Variants in FMN1 observed in about 807,000 individuals in gnomAD.
FMN1 encodes the protein formin 1.
In FMN1, 110 loss-of-function variants were observed where a neutral mutation model predicts 132.4. The observed-to-expected ratio is 0.83, with a 90% CI of 0.71 to 0.97. The LOEUF (loss-of-function observed/expected upper bound fraction) is 0.97, where lower values mean the gene tolerates loss of function less well. FMN1 is among the 50% of genes least tolerant of loss of function. The probability of loss-of-function intolerance (pLI) is 0.00; values close to 1 mark genes in which losing one functional copy is unlikely to be tolerated. For synonymous variants in FMN1, 722 were observed against 651.7 expected (o/e 1.11, Z -1.64); for missense variants, 1,792 against 1,705.3 (o/e 1.05, Z -0.90).
intron 2 of FMN1, among the ~76,000 whole-genome samples, chr15:33,190,987 G>A (rs537873007): frequency 5.9e-4 from 90 of 152,218 alleles, no homozygotes; most frequent in Non-Finnish European, 5.3e-4. Context: ...TGGCTAACAC[G>A]GTGAAACCCC....
chr15:32,888,323 T>G, intron 15 of FMN1, 31 bp from the exon 16 acceptor site: 1 of 1,548,260 alleles, frequency 6.5e-7, no homozygotes, highest in Non-Finnish European at 8.7e-7. Context: ...AAGTACATTA[T>G]ACTTCCCAAT....
rs3081377 is a variant in FMN1 at position 32,951,424 on chromosome 15, GACACACACACACACAC to G, written c.3138+12667_3138+12682del. Among the ~76,000 whole-genome samples, 311 of 149,070 alleles carry G rather than the reference GACACACACACACACAC, an allele frequency of 2.1e-3. 2 individuals are homozygous for G. The highest frequency in any genetic ancestry group is 7.3e-3 in the African/African-American group (298 of 40,944). ...TAACTGCATAGCTGCGCCCCAGTGGGACACACACACACACACACACACACACACACACATCCACGCA... is the reference window on the plus strand; with the variant it reads ...TAACTGCATAGCTGCGCCCCAGTGGGACACACACACACACACATCCACGCA... On this transcript the variant is annotated intron_variant, in intron 9 of 20. Transcript: ENST00000616417.
chr15:32,946,250 T>A (rs1410116642), intron 9 of FMN1, among the ~76,000 whole-genome samples: 1 of 152,166 alleles, frequency 6.6e-6, no homozygotes, highest in Non-Finnish European at 1.5e-5. Context: ...GTGCGTATCA[T>A]ACACTATCAT....
chr15:32,891,580 G>C (rs1439380069), intron 15 of FMN1, among the ~76,000 whole-genome samples: 1 of 151,322 alleles, frequency 6.6e-6, no homozygotes, highest in Non-Finnish European at 1.5e-5. Flanking sequence ...GTGGTATTTT[G>C]ATGGAGACTG....
rs1317723731 is a variant in FMN1 at position 32,766,265 on chromosome 15, C to T, written c.*8045G>A. 1 of 152,158 alleles carries T rather than the reference C, an allele frequency of 6.6e-6. No individual in the cohort carries two copies. 9.4% of individuals were successfully genotyped at this position (152,158 alleles called of 1,614,324 possible). On this transcript the variant is annotated 3_prime_UTR_variant, in exon 21 of 21. Coordinates refer to ENST00000616417, the MANE Select transcript of FMN1 (RefSeq NM_001277313.2). ...TCTGAAAATAACCAAGAAGTGTCAA[C>T]ATCCTGATTCAGAACAGGGGTAGAT...
intron 17 of FMN1, among the ~76,000 whole-genome samples, chr15:32,821,735 C>T (rs1193867279): frequency 1.3e-5 from 2 of 152,042 alleles, no homozygotes; most frequent in African/African-American, 4.8e-5. Context: ...CAGGCATGAG[C>T]CACCACATCC....
intron 17 of FMN1, among the ~76,000 whole-genome samples, chr15:32,854,912 C>T (rs552035430): frequency 7.0e-6 from 1 of 143,018 alleles, no homozygotes; most frequent in Non-Finnish European, 1.5e-5. Flanking sequence ...AAAACTCCAC[C>T]TCAAAAAAAA....
chr15:33,088,772 A>G (rs1024473634), intron 5 of FMN1, 27 bp downstream of exon 5: 2 of 1,526,060 alleles, frequency 1.3e-6, no homozygotes, highest in East Asian at 2.5e-5. Flanking sequence ...AAAGAACCAC[A>G]GCACAATCAC....
At chr15:33,023,041 T>TG (rs1238716074) in intron 6 of FMN1, among the ~76,000 whole-genome samples, 2 of 119,866 alleles carry the variant, frequency 1.7e-5, no homozygotes, top group African/African-American at 6.6e-5. Context: ...AGCAAGACCC[T>TG]GATCCCCCTC....
chr15:32,887,311 C>G (rs1227598640), intron 16 of FMN1, among the ~76,000 whole-genome samples: 1 of 152,160 alleles, frequency 6.6e-6, no homozygotes, highest in Non-Finnish European at 1.5e-5. Flanking sequence ...TCCACATTAA[C>G]ACGCTCTCTA....
intron 17 of FMN1, among the ~76,000 whole-genome samples, chr15:32,849,640 C>T (rs28622202): frequency 6.6e-6 from 1 of 151,642 alleles, no homozygotes; most frequent in Non-Finnish European, 1.5e-5. Context: ...ACCTAATAGA[C>T]CTGTGATAAA....
At chr15:32,893,366 T>C (rs1011469788) in intron 15 of FMN1, among the ~76,000 whole-genome samples, 8 of 142,502 alleles carry the variant, frequency 5.6e-5, no homozygotes, top group African/African-American at 1.5e-4. Flanking sequence ...CTGGTTTTGA[T>C]TGCGTGTGTG....
intron 7 of FMN1, among the ~76,000 whole-genome samples, chr15:32,970,468 C>A (rs2031687077): frequency 6.6e-6 from 1 of 152,244 alleles, no homozygotes; most frequent in Middle Eastern, 3.4e-3. Context: ...CAGCAGGTAG[C>A]CCAGGAAGTA....
intron 7 of FMN1, among the ~76,000 whole-genome samples, chr15:32,987,105 C>T (rs2033116778): frequency 6.6e-6 from 1 of 152,070 alleles, no homozygotes; most frequent in African/African-American, 2.4e-5. Flanking sequence ...ATTAGCTGCC[C>T]ATATTAATAA....
chr15:33,009,567 T>A (rs1367492568), intron 6 of FMN1, among the ~76,000 whole-genome samples: 1 of 152,220 alleles, frequency 6.6e-6, no homozygotes, highest in Non-Finnish European at 1.5e-5. Flanking sequence ...AAATCTTTGC[T>A]AATATTGAAA....
intron 5 of FMN1, among the ~76,000 whole-genome samples, chr15:33,069,584 G>A (rs1036698279): frequency 1.3e-5 from 2 of 152,190 alleles, no homozygotes; most frequent in Admixed American, 6.5e-5. Context: ...CTTGAGCCAT[G>A]TTCTTCAGTA....
At chr15:33,084,945 C>A (rs991865990) in intron 5 of FMN1, among the ~76,000 whole-genome samples, 1 of 152,168 alleles carries the variant, frequency 6.6e-6, no homozygotes, top group Non-Finnish European at 1.5e-5. Context: ...AAGTTAACAT[C>A]CTGATTGTGA....
Position 33,124,941 on chromosome 15 carries a change from C to G in FMN1, c.1867+28107G>C, listed in dbSNP as rs552571602. Among the ~76,000 whole-genome samples, 602 of 152,072 alleles carry G rather than the reference C, an allele frequency of 4.0e-3. 7 individuals are homozygous for G. Among genetic ancestry groups the G allele is most frequent in the African/African-American group, 0.014 (574 of 41,470 alleles). On this transcript the variant is annotated intron_variant, in intron 4 of 20. Coordinates refer to ENST00000616417, the MANE Select transcript of FMN1 (RefSeq NM_001277313.2). ...AGATACTATGTGCCACTCCCCTCCA[C>G]TGAGGTTTTGATTTCTTTGAAATCA...
intron 19 of FMN1, among the ~76,000 whole-genome samples, chr15:32,783,108 G>A (rs912415846): frequency 7.2e-5 from 11 of 151,810 alleles, no homozygotes; most frequent in Admixed American, 5.2e-4. Context: ...AAATACATCC[G>A]TGTAACAAAC....
Sources: allele counts gnomAD v4.1 joint callset (sites outside exome capture counted in the v4.1 genomes callset), GRCh38; gene constraint gnomAD v4.1.1; transcripts MANE v1.5; gene names NCBI Gene and HGNC (gene_info 2026-07-23, HGNC 2026-07-21).